The following NRXN3 variants were observed in gnomAD, a reference collection of about 807,000 sequenced individuals.
NRXN3 encodes the protein neurexin III.
A neutral mutation model predicts 137.6 loss-of-function variants in NRXN3; 32 were observed. The observed-to-expected ratio is 0.23, with a 90% CI of 0.18 to 0.31. The LOEUF is 0.31. NRXN3 is among the 10% of genes least tolerant of loss of function. NRXN3 has a pLI of 1.00. For synonymous variants in NRXN3, 798 were observed against 784.5 expected, an observed-to-expected ratio of 1.02 and a Z score of -0.29; for missense variants, 1,574 against 2,062.5, an observed-to-expected ratio of 0.76 and a Z score of 4.59.
chr14:79,731,745 A>G (rs1023752725), intron 19 of NRXN3, among the ~76,000 whole-genome samples: 1 of 151,664 alleles, frequency 6.6e-6, no homozygotes, highest in African/African-American at 2.4e-5. Context: ...CAGCCTCTCA[A>G]AGTGCTGGGA....
At chr14:79,495,032 C>T (rs1300334383) in intron 16 of NRXN3, among the ~76,000 whole-genome samples, 2 of 152,184 alleles carry the variant, frequency 1.3e-5, no homozygotes, top group Admixed American at 6.5e-5. Flanking sequence ...TGAACTTGGG[C>T]GTCAGTCTCT....
chr14:79,668,502 C>T (rs1466767029), intron 17 of NRXN3, among the ~76,000 whole-genome samples: 1 of 152,142 alleles, frequency 6.6e-6, no homozygotes, highest in Non-Finnish European at 1.5e-5. Flanking sequence ...ACTTTTCTAT[C>T]CTGATCCTCA....
At chr14:78,653,557 A>G (rs1358554841) in intron 6 of NRXN3, among the ~76,000 whole-genome samples, 1 of 152,182 alleles carries the variant, frequency 6.6e-6, no homozygotes, top group Non-Finnish European at 1.5e-5. Flanking sequence ...CTACCTCTCC[A>G]TTATATACTT....
At chr14:78,222,164 A>G (rs558290620) in intron 1 of NRXN3, among the ~76,000 whole-genome samples, 1 of 152,336 alleles carries the variant, frequency 6.6e-6, no homozygotes, top group Non-Finnish European at 1.5e-5. Flanking sequence ...TAGAGAAGGC[A>G]TAGCTTTCTG....
At chr14:79,454,551 C>A in intron 15 of NRXN3, among the ~76,000 whole-genome samples, 1 of 152,228 alleles carries the variant, frequency 6.6e-6, no homozygotes, top group East Asian at 1.9e-4. Context: ...GTATTATTTC[C>A]CAGCAGTTTG....
intron 15 of NRXN3, among the ~76,000 whole-genome samples, chr14:79,159,647 G>A (rs961713190): frequency 2.0e-5 from 3 of 151,388 alleles, no homozygotes; most frequent in Admixed American, 6.6e-5. Context: ...TTTGGCCATC[G>A]TCCCCACAAA....
In NRXN3 at chr14:78,633,957, C is replaced by T. The variant is rs182395549; in HGVS notation, c.758-11163C>T. On this transcript the variant is annotated intron_variant, in intron 4 of 20. Coordinates refer to ENST00000335750, the MANE Select transcript of NRXN3 (RefSeq NM_001330195.2). ...CAAAGGAGGAGCTGGGCTGCCCTCC[C>T]TCCCCCTGCAGGGGAAGGCTAAGAG... Among the ~76,000 whole-genome samples, 31 of 152,346 alleles carry T rather than the reference C, an allele frequency of 2.0e-4. No homozygotes were observed. In the East Asian group the frequency reaches 5.8e-3, roughly 28 times the overall value.
At chr14:79,193,574 C>T (rs955792788) in intron 15 of NRXN3, among the ~76,000 whole-genome samples, 1 of 152,188 alleles carries the variant, frequency 6.6e-6, no homozygotes, top group South Asian at 2.1e-4. Flanking sequence ...TTATTATAAG[C>T]TGTGAACATT....
chr14:79,297,055 T>G lies in NRXN3; in HGVS notation c.3263-170166T>G, dbSNP rs866993033. 9.8e-5 allele frequency among the ~76,000 whole-genome samples: 15 copies of G among 152,324 alleles called. 1 individual carries two copies. In the South Asian group the frequency reaches 2.3e-3, roughly 23 times the overall value. ...TATCCTATTTAAGCAGAATCCTCAC[T>G]TCTTCCTTTGATGGTCACCTACTCA... On this transcript the variant is annotated intron_variant, in intron 15 of 20. Coordinates refer to ENST00000335750, the MANE Select transcript of NRXN3 (RefSeq NM_001330195.2).
intron 14 of NRXN3, among the ~76,000 whole-genome samples, chr14:78,969,173 A>T (rs560976934): frequency 6.6e-6 from 1 of 151,258 alleles, no homozygotes; most frequent in East Asian, 1.9e-4. Context: ...ATAATACTGC[A>T]TGTCTACCCA....
At chr14:78,425,867 G>A (rs1020604344) in intron 4 of NRXN3, among the ~76,000 whole-genome samples, 2 of 152,174 alleles carry the variant, frequency 1.3e-5, no homozygotes, top group South Asian at 4.1e-4. Flanking sequence ...TAATTAATAG[G>A]AAATTAGCTG....
chr14:79,301,603 C>G (rs2085146971), intron 15 of NRXN3, among the ~76,000 whole-genome samples: 2 of 151,978 alleles, frequency 1.3e-5, no homozygotes, highest in African/African-American at 4.8e-5. Flanking sequence ...GCAAATCAAA[C>G]CCTTGCACAT....
At position 79,861,445 on chromosome 14, in the gene NRXN3, G is replaced by A. The variant is rs1475235614; in HGVS notation, c.4197G>A (p.Arg1399=). The change falls in exon 21 of 21, where the codon AGG becomes AGA. Residue 1399 remains arginine (R), a synonymous_variant. Transcript: ENST00000335750. The surrounding 1 kb of genome is among the most constrained non-coding windows in gnomAD (Gnocchi z 5.4). ...CTAACAAAGTCTCCGAAACTAGTAG[G>A]ACTACTACCACATCTTTATCCCCTG... ...FRPNKVSETS[R]TTTTSLSPEL... is the part of the protein sequence containing the mutation. The A allele has an allele frequency of 2.6e-6, 4 of 1,536,448 alleles. No individual in the cohort carries two copies. Among genetic ancestry groups the A allele is most frequent in the Non-Finnish European group, 8.7e-7 (1 of 1,147,026 alleles).
At chr14:79,296,273 T>C (rs1413977021) in intron 15 of NRXN3, among the ~76,000 whole-genome samples, 2 of 152,104 alleles carry the variant, frequency 1.3e-5, no homozygotes, top group African/African-American at 2.4e-5. Context: ...TTAATGCACG[T>C]TGTAGTGTGA....
chr14:79,017,682 T>G (rs1316101642), intron 15 of NRXN3, among the ~76,000 whole-genome samples: 2 of 152,100 alleles, frequency 1.3e-5, no homozygotes, highest in African/African-American at 4.8e-5. Flanking sequence ...GAGGGAGATA[T>G]AGTTTTCATG....
At chr14:78,651,534 G>GT (rs1355180671) in intron 6 of NRXN3, among the ~76,000 whole-genome samples, 3 of 152,168 alleles carry the variant, frequency 2.0e-5, no homozygotes, top group Non-Finnish European at 4.4e-5. Flanking sequence ...CTTTAGTACT[G>GT]TATTAGTCTG....
intron 15 of NRXN3, among the ~76,000 whole-genome samples, chr14:79,282,209 A>T (rs985736114): frequency 2.0e-5 from 3 of 151,632 alleles, no homozygotes; most frequent in Non-Finnish European, 2.9e-5. Context: ...GGGGAGAGGG[A>T]CTGGGGGGAG....
At chr14:78,261,702 C>T (rs1466980753) in intron 2 of NRXN3, among the ~76,000 whole-genome samples, 1 of 152,176 alleles carries the variant, frequency 6.6e-6, no homozygotes, top group Non-Finnish European at 1.5e-5. Context: ...CACAATCCAA[C>T]CTCCTTTTAT....
intron 1 of NRXN3, among the ~76,000 whole-genome samples, chr14:78,175,859 C>T (rs1490912139): frequency 6.6e-6 from 1 of 152,148 alleles, no homozygotes; most frequent in Non-Finnish European, 1.5e-5. Flanking sequence ...ATGACACTGT[C>T]TTTAATTTTA....
Sources: gnomAD v4.1 joint callset for allele counts (sites outside exome capture counted in the v4.1 genomes callset) on GRCh38, gnomAD v4.1.1 for gene constraint, Gnocchi (gnomAD v3.1) non-coding constraint, MANE v1.5 for transcripts, NCBI Gene and HGNC (gene_info 2026-07-23, HGNC 2026-07-21) for gene names.